The following CHN2 variants were observed in gnomAD, a reference collection of about 807,000 sequenced individuals.
CHN2 encodes chimerin 2, also known as beta-chimaerin.
In CHN2, 35 loss-of-function variants were observed where a neutral mutation model predicts 56.3. The ratio of observed to expected loss-of-function variants is 0.62; its 90% CI spans 0.47 to 0.82. The LOEUF is 0.82. CHN2 is among the 40% of genes least tolerant of loss of function. CHN2 has a pLI of 0.00. For synonymous variants in CHN2, 210 were observed against 212.8 expected, an observed-to-expected ratio of 0.99 and a Z score of 0.12; for missense variants, 491 against 580.5, an observed-to-expected ratio of 0.85 and a Z score of 1.58.
intron 1 of CHN2, among the ~76,000 whole-genome samples, chr7:29,238,016 T>TC (rs1491386506): frequency 9.5e-5 from 1 of 10,504 alleles, no homozygotes; most frequent in Non-Finnish European, 2.0e-4. Context: ...ATGTATTCTC[T>TC]TTTTTTTTTT....
intron 1 of CHN2, among the ~76,000 whole-genome samples, chr7:29,340,740 T>G (rs1050683041): frequency 6.6e-6 from 1 of 152,162 alleles, no homozygotes. Flanking sequence ...GCCAGGAGTG[T>G]GTTTTGGCAT....
chr7:29,483,038 G>GTCTCGA (rs543020597), intron 7 of CHN2, among the ~76,000 whole-genome samples: 319 of 151,658 alleles, frequency 2.1e-3, no homozygotes, highest in African/African-American at 7.3e-3. Context: ...AGCCAAGATG[G>GTCTCGA]TCTCGATCTC....
intron 6 of CHN2, among the ~76,000 whole-genome samples, chr7:29,415,632 G>A (rs10230251): frequency 0.042 from 6,449 of 152,260 alleles, 152 homozygotes; most frequent in South Asian, 0.08. Flanking sequence ...GTTGGAGAGG[G>A]GGGAGGCTGG....
At chr7:29,263,421 T>C (rs1490077070) in intron 1 of CHN2, among the ~76,000 whole-genome samples, 1 of 152,174 alleles carries the variant, frequency 6.6e-6, no homozygotes, top group Non-Finnish European at 1.5e-5. Flanking sequence ...CCCAAGGTGC[T>C]GAGATTGCAG....
chr7:29,424,781 G>A (rs943324776), intron 6 of CHN2, among the ~76,000 whole-genome samples: 3 of 152,120 alleles, frequency 2.0e-5, no homozygotes, highest in Admixed American at 6.5e-5. Context: ...CGTCCACCGC[G>A]CTGCCTTCAG....
At chr7:29,500,320 CA>C (rs1354133915) in intron 9 of CHN2, among the ~76,000 whole-genome samples, 1 of 152,184 alleles carries the variant, frequency 6.6e-6, no homozygotes, top group Non-Finnish European at 1.5e-5. Flanking sequence ...TCACCATTCT[CA>C]CCTTCAAGAA....
intron 3 of CHN2, among the ~76,000 whole-genome samples, chr7:29,389,682 T>C (rs1801206092): frequency 6.6e-6 from 1 of 152,124 alleles, no homozygotes; most frequent in South Asian, 2.1e-4. Context: ...ATAAGTGGCA[T>C]GTATTGTGCC....
At chr7:29,382,376 T>C (rs542547824) in intron 3 of CHN2, among the ~76,000 whole-genome samples, 1 of 152,296 alleles carries the variant, frequency 6.6e-6, no homozygotes, top group African/African-American at 2.4e-5. Context: ...CAGTCTTCAC[T>C]CTGGAGATTC....
intron 6 of CHN2, among the ~76,000 whole-genome samples, chr7:29,406,673 G>T (rs779717061): frequency 3.9e-5 from 6 of 152,154 alleles, no homozygotes; most frequent in Non-Finnish European, 7.4e-5. Flanking sequence ...GGAACCAGCA[G>T]CATCAACATC....
In CHN2 at chr7:29,188,948, C is replaced by CTTT. The variant is rs11376135; in HGVS notation, c.274+42004_274+42006dup. On this transcript the variant is annotated intron_variant, in intron 2 of 6. Transcript: ENST00000439384. ...AGCAAGGATATAGTTTTCCTCATACCTTTTTTTTTTTTTTTTTTGAGACAG... is the reference window on the plus strand; with the variant it reads ...AGCAAGGATATAGTTTTCCTCATACCTTTTTTTTTTTTTTTTTTTTTGAGACAG... Among the ~76,000 whole-genome samples, 308 of 129,942 alleles carry CTTT rather than the reference C, an allele frequency of 2.4e-3. 9 individuals carry two copies. Among genetic ancestry groups the CTTT allele is most frequent in the African/African-American group, 8.4e-3 (289 of 34,226 alleles). The allele number at this position is 129,942 out of a possible 152,430, so 85.2% of individuals were successfully genotyped here. A position where few individuals can be genotyped will look rare whatever the true frequency, so the allele number is the denominator to read the frequency against.
intron 1 of CHN2, among the ~76,000 whole-genome samples, chr7:29,292,251 G>A (rs1219975347): frequency 1.3e-5 from 2 of 152,168 alleles, no homozygotes; most frequent in Non-Finnish European, 2.9e-5. Flanking sequence ...ATAAAATGCA[G>A]ACTAATAGTA....
At chr7:29,278,946 C>A (rs961415420) in intron 1 of CHN2, among the ~76,000 whole-genome samples, 7 of 151,992 alleles carry the variant, frequency 4.6e-5, no homozygotes, top group Non-Finnish European at 8.8e-5. Flanking sequence ...CTTGCTGCCT[C>A]CCCCCAGGCC....
intron 9 of CHN2, among the ~76,000 whole-genome samples, chr7:29,502,484 T>A (rs1026858329): frequency 6.6e-6 from 1 of 152,208 alleles, no homozygotes; most frequent in African/African-American, 2.4e-5. Flanking sequence ...CAATGGATAT[T>A]GTTCTAAAAA....
intron 1 of CHN2, among the ~76,000 whole-genome samples, chr7:29,331,891 A>G (rs1193491136): frequency 2.6e-5 from 4 of 152,186 alleles, no homozygotes; most frequent in Admixed American, 2.6e-4. Context: ...ACGTGCCTGT[A>G]ATCCCAGCTA....
intron 1 of CHN2, among the ~76,000 whole-genome samples, chr7:29,274,159 C>A (rs988455275): frequency 1.3e-5 from 2 of 152,152 alleles, no homozygotes; most frequent in Non-Finnish European, 2.9e-5. Flanking sequence ...ATCCCCGAGA[C>A]AAGCTAGAAT....
At chr7:29,367,250 TC>T (rs1799236007) in intron 2 of CHN2, among the ~76,000 whole-genome samples, 1 of 152,182 alleles carries the variant, frequency 6.6e-6, no homozygotes, top group Non-Finnish European at 1.5e-5. Context: ...TGACCTGCCT[TC>T]CTCCTTGCCT....
chr7:29,248,658 C>A (rs879520964), intron 1 of CHN2, among the ~76,000 whole-genome samples: 2 of 152,194 alleles, frequency 1.3e-5, no homozygotes, highest in Non-Finnish European at 2.9e-5. Context: ...TTCTCTGCCT[C>A]TCTTGTGCTC....
chr7:29,157,836 T>TA (rs111855752), intron 2 of CHN2, among the ~76,000 whole-genome samples: 27,299 of 148,884 alleles, frequency 0.18, 2,512 homozygotes, highest in Admixed American at 0.22. Context: ...AGGAGGATGC[T>TA]AAAAAAAAAA....
upstream of CHN2, among the ~76,000 whole-genome samples, chr7:29,191,141 A>G (rs1782845442): frequency 6.6e-6 from 1 of 152,140 alleles, no homozygotes; most frequent in Non-Finnish European, 1.5e-5. Flanking sequence ...CATGTTGCTC[A>G]GGATGGTCTC....
Sources: allele counts gnomAD v4.1 joint callset (sites outside exome capture counted in the v4.1 genomes callset), GRCh38; gene constraint gnomAD v4.1.1; transcripts MANE v1.5; gene names NCBI Gene and HGNC (gene_info 2026-07-23, HGNC 2026-07-21).